The following ALPK1 variants were observed in gnomAD, a reference collection of about 807,000 sequenced individuals.
ALPK1 encodes alpha kinase 1, also known as alpha-protein kinase 1.
In ALPK1, 110 loss-of-function variants were observed where a neutral mutation model predicts 120.6. The observed-to-expected ratio is 0.91, with a 90% CI of 0.78 to 1.07. The LOEUF is 1.07. Ranked by LOEUF, ALPK1 falls within the 50% of genes least tolerant of loss-of-function variation. The pLI is 0.00. For missense variants in ALPK1, 1,498 were observed against 1,483.9 expected, an observed-to-expected ratio of 1.01 and a Z score of -0.16; for synonymous variants, 582 against 560.3, an observed-to-expected ratio of 1.04 and a Z score of -0.55.
chr4:112,393,929 AATAT>A (rs3079191), intron 4 of ALPK1, among the ~76,000 whole-genome samples: 63,460 of 150,010 alleles, frequency 0.42, 13,688 homozygotes, highest in African/African-American at 0.55. Flanking sequence ...ACATGTGTGA[AATAT>A]ATATATATAT....
chr4:112,393,085 A>T (rs1046042797), intron 4 of ALPK1, among the ~76,000 whole-genome samples: 1 of 152,226 alleles, frequency 6.6e-6, no homozygotes, highest in Non-Finnish European at 1.5e-5. Context: ...GCTGGTTGCC[A>T]TTGCAGGGGG....
In ALPK1 at chr4:112,430,548, T is replaced by C. The variant is rs1734490861; in HGVS notation, c.1001T>C (p.Ile334Thr). Reference sequence around the variant, plus strand: ...TGTGAAGCCAAAGAGGCCTTTGAGATTGGCCTCCTCACCAAGAGAGATGAT... The same window carrying C: ...TGTGAAGCCAAAGAGGCCTTTGAGACTGGCCTCCTCACCAAGAGAGATGAT... ...HLCEAKEAFE[I>T]GLLTKRDDEP... is the part of the protein sequence containing the mutation. Residue 334 changes from isoleucine (I) to threonine (T), a missense_variant, in exon 11 of 16, where the codon ATT (isoleucine) becomes ACT (threonine). Transcript: ENST00000650871. 1 of 1,614,196 alleles carries C rather than the reference T, an allele frequency of 6.2e-7. No homozygotes were observed. Among genetic ancestry groups the C allele is most frequent in the Non-Finnish European group, 8.5e-7 (1 of 1,180,024 alleles).
In ALPK1 at chr4:112,377,689, T is replaced by C; in HGVS notation, c.-89T>C. On this transcript the variant is annotated 5_prime_UTR_variant, in exon 3 of 16. Transcript: ENST00000650871. ...CTTTTGTTCACCAGGTACTTCGGCC[T>C]TCAAGGGGCTCCTTTATTGAGAATC... The C allele has an allele frequency of 7.5e-7, 1 of 1,333,860 alleles. No individual in the cohort carries two copies. Among genetic ancestry groups the C allele is most frequent in the Non-Finnish European group, 9.9e-7 (1 of 1,007,866 alleles). The allele number at this position is 1,333,860 out of a possible 1,614,324, so 82.6% of individuals were successfully genotyped here.
At position 112,441,521 on chromosome 4, in the gene ALPK1, A is replaced by G. The variant is rs1560692960; in HGVS notation, c.*311A>G. 2.6e-6 allele frequency: 1 copy of G among 380,842 alleles called. No individual in the cohort carries two copies. The highest frequency in any genetic ancestry group is 4.5e-5 in the South Asian group (1 of 22,260). The allele number at this position is 380,842 out of a possible 1,614,324, so 23.6% of individuals were successfully genotyped here. A position where few individuals can be genotyped will look rare whatever the true frequency, so the allele number is the denominator to read the frequency against. The stretch of plus-strand genomic sequence containing the variant: ...TGAGATTTTAGAGCTTTTTGTCACT[A>G]TCTGTCAAGACTGATACTACTGGGG... On this transcript the variant is annotated 3_prime_UTR_variant, in exon 16 of 16. Transcript: ENST00000650871.
At chr4:112,395,129 T>C (rs757753795) in intron 4 of ALPK1, among the ~76,000 whole-genome samples, 1 of 152,228 alleles carries the variant, frequency 6.6e-6, no homozygotes, top group Non-Finnish European at 1.5e-5. Flanking sequence ...CTTCACAGCA[T>C]ATAATCTTGA....
At chr4:112,320,968 A>C (rs1578461427) in intron 2 of ALPK1, among the ~76,000 whole-genome samples, 1 of 134,444 alleles carries the variant, frequency 7.4e-6, no homozygotes, top group African/African-American at 2.9e-5. Context: ...GCGAGCTTGG[A>C]TCACTGCAAG....
intron 2 of ALPK1, chr4:112,356,949 C>T (rs1032517835): frequency 7.9e-6 from 6 of 762,366 alleles, no homozygotes; most frequent in Admixed American, 5.1e-5. Flanking sequence ...GACCCGAGTT[C>T]GGGACTGGAC....
At chr4:112,316,998 T>G (rs1728665140) in intron 2 of ALPK1, among the ~76,000 whole-genome samples, 1 of 152,186 alleles carries the variant, frequency 6.6e-6, no homozygotes, top group Non-Finnish European at 1.5e-5. Flanking sequence ...AGTGGATGAA[T>G]CAAATAACAG....
At position 112,350,897 on chromosome 4, in the gene ALPK1, G is replaced by A. The variant is rs1578488769; in HGVS notation, c.-100-26781G>A. On this transcript the variant is annotated intron_variant, in intron 2 of 15. Coordinates refer to ENST00000650871, the MANE Select transcript of ALPK1 (RefSeq NM_025144.4). ...AGTATCATGATAGTTCTGGATTTGG[G>A]GACATATGGGGTGAGTCTATGTGAG... 2.6e-5 allele frequency among the ~76,000 whole-genome samples: 4 copies of A among 152,242 alleles called. 1 individual carries two copies. The East Asian group carries it at 7.7e-4, about 29-fold the overall frequency.
chr4:112,425,488 T>G, intron 6 of ALPK1, 177 bp from the exon 7 acceptor site: 2 of 468,998 alleles, frequency 4.3e-6, no homozygotes, highest in Admixed American at 3.4e-5. Flanking sequence ...CAGACAGGAG[T>G]CAGTTCCTGC....
chr4:112,307,443 A>G (rs368360567), intron 1 of ALPK1, among the ~76,000 whole-genome samples: 9 of 152,072 alleles, frequency 5.9e-5, no homozygotes, highest in East Asian at 3.9e-4. Flanking sequence ...TCCTGTATTG[A>G]GTGCATATAT....
chr4:112,395,908 G>A (rs533890907), intron 4 of ALPK1, among the ~76,000 whole-genome samples: 1 of 152,212 alleles, frequency 6.6e-6, no homozygotes, highest in Non-Finnish European at 1.5e-5. Flanking sequence ...TTGAAATGTA[G>A]CTAGCAAATT....
chr4:112,346,359 T>C (rs1730104285), intron 2 of ALPK1, among the ~76,000 whole-genome samples: 1 of 152,248 alleles, frequency 6.6e-6, no homozygotes, highest in Non-Finnish European at 1.5e-5. Flanking sequence ...AACAGTTTCA[T>C]GAGGACTCTT....
intron 4 of ALPK1, among the ~76,000 whole-genome samples, chr4:112,410,566 A>G (rs1464995314): frequency 6.6e-6 from 1 of 152,178 alleles, no homozygotes; most frequent in African/African-American, 2.4e-5. Context: ...AATACTTACA[A>G]TGCTTTCTAG....
At chr4:112,383,805 AAT>A (rs1447332455) in intron 4 of ALPK1, 1 of 152,218 alleles carries the variant, frequency 6.6e-6, no homozygotes, top group Non-Finnish European at 1.5e-5. Flanking sequence ...ATAGGTCAAA[AAT>A]ATTATACATT....
intron 2 of ALPK1, among the ~76,000 whole-genome samples, chr4:112,375,307 G>A (rs1039285554): frequency 2.9e-4 from 44 of 151,686 alleles, no homozygotes; most frequent in Admixed American, 1.2e-3. Flanking sequence ...AGCCTCCTGA[G>A]TAACTAGGAC....
chr4:112,431,447 G>T lies in ALPK1; in HGVS notation c.1900G>T (p.Glu634Ter), dbSNP rs996998545. The stretch of plus-strand genomic sequence containing the variant: ...GTCTGAGGAGCTAGAGAATGACAGG[G>T]AAGGCAGAGCTATGCATTCATTGCA... The part of the protein sequence containing the change: ...ALSEELENDR[E>*]GRAMHSLHSQ... The change falls in exon 11 of 16, where the codon GAA becomes TAA. Residue 634 changes from glutamate to a stop codon, truncating the protein, a stop_gained. Coordinates refer to ENST00000650871, the MANE Select transcript of ALPK1 (RefSeq NM_025144.4). LOFTEE classifies it high-confidence loss of function. 7 of 1,614,206 alleles carry T rather than the reference G, an allele frequency of 4.3e-6. No individual in the cohort carries two copies. The highest frequency in any genetic ancestry group is 5.1e-6 in the Non-Finnish European group (6 of 1,180,028).
chr4:112,355,894 G>T (rs1194208429), intron 2 of ALPK1, among the ~76,000 whole-genome samples: 2 of 152,246 alleles, frequency 1.3e-5, no homozygotes, highest in African/African-American at 4.8e-5. Flanking sequence ...CGGTGGCAGC[G>T]CTCGACTGGA....
At chr4:112,437,997 C>T (rs1402303411) in intron 12 of ALPK1, among the ~76,000 whole-genome samples, 1 of 152,212 alleles carries the variant, frequency 6.6e-6, no homozygotes, top group Admixed American at 6.5e-5. Flanking sequence ...CTCACACTTT[C>T]TTCAAGTCAC....
Sources: allele counts gnomAD v4.1 joint callset (sites outside exome capture counted in the v4.1 genomes callset), GRCh38; gene constraint gnomAD v4.1.1; transcripts MANE v1.5; gene names NCBI Gene and HGNC (gene_info 2026-07-23, HGNC 2026-07-21).